Variants in EXTL1 observed in about 807,000 individuals in gnomAD.
EXTL1 encodes exostosin-like 1.
A neutral mutation model predicts 64.6 loss-of-function variants in EXTL1; 43 were observed. That is an observed-to-expected ratio of 0.67 (90% confidence interval 0.52 to 0.86). The LOEUF is 0.86. Ranked by LOEUF, EXTL1 falls within the 40% of genes least tolerant of loss-of-function variation. EXTL1 has a pLI of 0.00. For missense variants in EXTL1, 766 were observed against 879.0 expected (o/e 0.87, Z 1.62); for synonymous variants, 352 against 360.5 (o/e 0.98, Z 0.27).
intron 1 of EXTL1, among the ~76,000 whole-genome samples, chr1:26,027,365 G>GGTGCT (rs951354859): frequency 2.6e-5 from 4 of 152,132 alleles, no homozygotes; most frequent in Middle Eastern, 3.2e-3. Flanking sequence ...ATCTCATAGA[G>GGTGCT]GTGCTGTGAG....
Position 26,035,387 on chromosome 1 carries a change from A to G in EXTL1, c.*40A>G. 6.5e-7 allele frequency: 1 copy of G among 1,544,144 alleles called. No homozygotes were observed. The highest frequency in any genetic ancestry group is 1.2e-5 in the South Asian group (1 of 85,718). Reference sequence around the variant, plus strand: ...GAGACCCCAGCAGAGGTCGCAGCCCAGCTCCCAGGGGGCCCGGCGCCTGCC... The same window carrying G: ...GAGACCCCAGCAGAGGTCGCAGCCCGGCTCCCAGGGGGCCCGGCGCCTGCC... On this transcript the variant is annotated 3_prime_UTR_variant, in exon 11 of 11. Coordinates refer to ENST00000374280, the MANE Select transcript of EXTL1 (RefSeq NM_004455.3). This position sits in a 1 kb window ranked among gnomAD's most constrained non-coding sequence, Gnocchi z 5.3.
intron 4 of EXTL1, 94 bp downstream of exon 4, chr1:26,030,689 C>A (rs1047593139): frequency 1.3e-4 from 173 of 1,333,478 alleles, no homozygotes; most frequent in Non-Finnish European, 1.7e-4. Flanking sequence ...TTTGGGGAAC[C>A]CCCCCCCCTT....
In EXTL1 at chr1:26,036,310, G is replaced by A. The variant is rs575780731; in HGVS notation, c.*963G>A. On this transcript the variant is annotated 3_prime_UTR_variant, in exon 11 of 11. Transcript: ENST00000374280. This position sits in a 1 kb window ranked among gnomAD's most constrained non-coding sequence, Gnocchi z 5.2. ...CAGCAAGAAGGGACTGTTTCTAGGT[G>A]GGCTGGGCGCGAGCAGGGACTGTCC... is the stretch of plus-strand genomic sequence containing the variant. The A allele has an allele frequency of 1.3e-5, 2 of 152,600 alleles. No homozygotes were observed. Among genetic ancestry groups the A allele is most frequent in the African/African-American group, 4.8e-5 (2 of 41,558 alleles). The allele number at this position is 152,600 out of a possible 1,614,324, so 9.5% of individuals were successfully genotyped here. A position where few individuals can be genotyped will look rare whatever the true frequency, so the allele number is the denominator to read the frequency against.
chr1:26,026,977 C>A (rs2050223341), intron 1 of EXTL1, among the ~76,000 whole-genome samples: 1 of 152,230 alleles, frequency 6.6e-6, no homozygotes. Flanking sequence ...CAAAGACCAC[C>A]CACTGGCTGC....
chr1:26,029,210 C>A lies in EXTL1; in HGVS notation c.797C>A (p.Thr266Lys), dbSNP rs765247844. The A allele has an allele frequency of 2.2e-5, 35 of 1,613,540 alleles. No homozygotes were observed. Among genetic ancestry groups the A allele is most frequent in the Non-Finnish European group, 2.7e-5 (32 of 1,179,756 alleles). Reference sequence around the variant, plus strand: ...CTCTTTAGGACCCAGCGCCAGGAGACGCTGCCCAATGCCACCTTCTGCCTC... The same window carrying A: ...CTCTTTAGGACCCAGCGCCAGGAGAAGCTGCCCAATGCCACCTTCTGCCTC... ...PGPGQTQRQE[T>K]LPNATFCLIS... The change falls in exon 2 of 11, where the codon ACG becomes AAG. Residue 266 changes from threonine to lysine, a missense_variant. Transcript: ENST00000374280.
chr1:26,035,209 C>G lies in EXTL1; in HGVS notation c.1893C>G (p.Ala631=), dbSNP rs1236144391. 6.2e-7 allele frequency: 1 copy of G among 1,612,898 alleles called. No homozygotes were observed. The highest frequency in any genetic ancestry group is 8.5e-7 in the Non-Finnish European group (1 of 1,179,440). ...PGPRPKPPAP[A]PDCINQIAAA... ...CCAGGCCAAAGCCGCCTGCCCCAGC[C>G]CCCGACTGCATCAACCAGATAGCGG... Residue 631 remains alanine (A), a synonymous_variant, in exon 11 of 11, where the codon GCC becomes GCG. Transcript: ENST00000374280. The surrounding 1 kb of genome is among the most constrained non-coding windows in gnomAD (Gnocchi z 5.3).
At chr1:26,028,885 A>AT (rs903052870) in intron 1 of EXTL1, among the ~76,000 whole-genome samples, 1 of 152,156 alleles carries the variant, frequency 6.6e-6, no homozygotes, top group Non-Finnish European at 1.5e-5. Context: ...GCTGCCTCCC[A>AT]TTTTACAGAT....
intron 2 of EXTL1, 35 bp downstream of exon 2, chr1:26,029,321 T>C: frequency 2.6e-6 from 4 of 1,549,002 alleles, no homozygotes; most frequent in Non-Finnish European, 3.6e-6. Context: ...CCATCCTCTG[T>C]CCCCCAGCAC....
rs115632070 is a variant in EXTL1 at position 26,032,627 on chromosome 1, A to G, written c.1431+142A>G. On this transcript the variant is annotated intron_variant, in intron 7 of 10. Transcript: ENST00000374280. ...CACAGTAGGTTTCAGCCACAGGGCT[A>G]ATAGTAATGATTCTTTTCCCTCCCT... 2,110 of 614,296 alleles carry G rather than the reference A, an allele frequency of 3.4e-3. 30 individuals carry two copies. The highest frequency in any genetic ancestry group is 0.032 in the African/African-American group (1,752 of 54,260). 38.1% of individuals were successfully genotyped at this position (614,296 alleles called of 1,614,324 possible). A position where few individuals can be genotyped will look rare whatever the true frequency, so the allele number is the denominator to read the frequency against.
rs2050279337 is a variant in EXTL1, at chr1:26,031,029, G to A, written c.1102-103G>A. 7.6e-6 allele frequency: 11 copies of A among 1,440,646 alleles called. No individual in the cohort carries two copies. In the South Asian group the frequency reaches 1.2e-4, roughly 15 times the overall value. 89.2% of individuals were successfully genotyped at this position (1,440,646 alleles called of 1,614,324 possible). On this transcript the variant is annotated intron_variant, in intron 4 of 10. Transcript: ENST00000374280. ...ACTCTAGACTCAGCTTCTGACCCCA[G>A]GGGTCTGGTGATGCAGCTGCCACCC...
intron 1 of EXTL1, among the ~76,000 whole-genome samples, chr1:26,028,739 C>G (rs2050245004): frequency 6.6e-6 from 1 of 152,212 alleles, no homozygotes; most frequent in Non-Finnish European, 1.5e-5. Flanking sequence ...CTTTCACGGG[C>G]CTGGCTTTTA....
chr1:26,033,971 TC>T lies in EXTL1; in HGVS notation c.1679+116del. Reference sequence around the variant, plus strand: ...CAGGGATCCAGGTTCAAGGCCGAGATCTGCCACTTCCCAGCTGTGGGATCCT... The same window carrying T: ...CAGGGATCCAGGTTCAAGGCCGAGATTGCCACTTCCCAGCTGTGGGATCCT... On this transcript the variant is annotated intron_variant, in intron 9 of 10. Transcript: ENST00000374280. This position sits in a 1 kb window ranked among gnomAD's most constrained non-coding sequence, Gnocchi z 5.1. The T allele has an allele frequency of 2.3e-6, 2 of 859,712 alleles. No homozygotes were observed. The highest frequency in any genetic ancestry group is 2.4e-5 in the South Asian group (1 of 41,834). 53.3% of individuals were successfully genotyped at this position (859,712 alleles called of 1,614,324 possible).
rs201895756 is a variant in EXTL1, at chr1:26,031,621, G to C, written c.1341+55G>C. ...GATCCAGGGTGGGGGTAAGGGACAG[G>C]GCAGGGCCCTGATGACTTCCAGACC... On this transcript the variant is annotated intron_variant, in intron 6 of 10. Coordinates refer to ENST00000374280, the MANE Select transcript of EXTL1 (RefSeq NM_004455.3). 48 of 1,128,678 alleles carry C rather than the reference G, an allele frequency of 4.3e-5. No homozygotes were observed. The East Asian group carries it at 1.2e-3, about 29-fold the overall frequency. 69.9% of individuals were successfully genotyped at this position (1,128,678 alleles called of 1,614,324 possible).
In EXTL1 at chr1:26,035,343, C is replaced by G. The variant is rs770088842; in HGVS notation, c.2027C>G (p.Pro676Arg). The G allele has an allele frequency of 6.9e-6, 11 of 1,600,854 alleles. No homozygotes were observed. The highest frequency in any genetic ancestry group is 7.7e-6 in the Non-Finnish European group (9 of 1,171,118). The change falls in exon 11 of 11, where the codon CCC (proline) becomes CGC (arginine). Residue 676 changes from proline (P) to arginine (R), a missense_variant. This residue lies in a region of EXTL1 where 194 missense variants were observed against 214.5 expected (regional missense o/e 0.90). Coordinates refer to ENST00000374280, the MANE Select transcript of EXTL1 (RefSeq NM_004455.3). This position sits in a 1 kb window ranked among gnomAD's most constrained non-coding sequence, Gnocchi z 5.3. ...QRKKYRSLEKP is the reference protein window; with the variant it reads ...QRKKYRSLEKR ...AAGAAGTACCGCAGCCTGGAGAAGC[C>G]CTAGGGGGGCGACCCGCGGAGACCC... is the stretch of plus-strand genomic sequence containing the variant.
In EXTL1 at chr1:26,031,508, C is replaced by G. The variant is rs759305553; in HGVS notation, c.1283C>G (p.Pro428Arg). The change falls in exon 6 of 11, where the codon CCA (proline) becomes CGA (arginine). Residue 428 changes from proline to arginine, a missense_variant. This residue lies in a region of EXTL1 where 571 missense variants were observed against 647.6 expected (regional missense o/e 0.88). Coordinates refer to ENST00000374280, the MANE Select transcript of EXTL1 (RefSeq NM_004455.3). ...RFSALIWVGPPGQPPLKLIQA... is the reference protein window; with the variant it reads ...RFSALIWVGPRGQPPLKLIQA... ...AGCGCCCTGATCTGGGTGGGGCCCC[C>G]AGGCCAGCCCCCTCTGAAGCTCATC... 6 of 1,601,266 alleles carry G rather than the reference C, an allele frequency of 3.7e-6. No homozygotes were observed. The South Asian group carries it at 4.5e-5, about 12-fold the overall frequency.
At chr1:26,024,809 G>C (rs1482194221) in intron 1 of EXTL1, among the ~76,000 whole-genome samples, 1 of 152,166 alleles carries the variant, frequency 6.6e-6, no homozygotes, top group African/African-American at 2.4e-5. Context: ...CTTGCAGGAA[G>C]TTCTTTTTTC....
At position 26,035,320 on chromosome 1, in the gene EXTL1, G is replaced by T. The variant is rs944544073; in HGVS notation, c.2004G>T (p.Lys668Asn). 18 of 1,611,688 alleles carry T rather than the reference G, an allele frequency of 1.1e-5. No homozygotes were observed. Among genetic ancestry groups the T allele is most frequent in the Non-Finnish European group, 1.5e-5 (18 of 1,178,836 alleles). ...AGGACCCGGTGTCCGTGCAGCGCAA[G>T]AAGTACCGCAGCCTGGAGAAGCCCT... ...LFKDPVSVQR[K>N]KYRSLEKP Residue 668 changes from lysine (K) to asparagine (N), a missense_variant, in exon 11 of 11, where the codon AAG becomes AAT. By Grantham distance (94) the Lys-to-Asn change is moderately conservative. This residue lies in a region of EXTL1 where 194 missense variants were observed against 214.5 expected (regional missense o/e 0.90). Transcript: ENST00000374280. The surrounding 1 kb of genome is among the most constrained non-coding windows in gnomAD (Gnocchi z 5.3).
chr1:26,030,496 G>A lies in EXTL1; in HGVS notation c.1002G>A (p.Glu334=), dbSNP rs2050270377. The A allele has an allele frequency of 6.2e-7, 1 of 1,612,462 alleles. No individual in the cohort carries two copies. Residue 334 remains glutamate (E), a synonymous_variant, in exon 4 of 11, where the codon GAG becomes GAA. Coordinates refer to ENST00000374280, the MANE Select transcript of EXTL1 (RefSeq NM_004455.3). The part of the protein sequence containing the change: ...LPLQVLAALQ[E]MSPARVLALR... ...TCCAGGTCCTGGCTGCCCTCCAGGAGATGTCCCCTGCACGGGTCCTCGCCC... is the reference window on the plus strand; with the variant it reads ...TCCAGGTCCTGGCTGCCCTCCAGGAAATGTCCCCTGCACGGGTCCTCGCCC...
chr1:26,033,943 CCCCAGG>C lies in EXTL1; in HGVS notation c.1679+88_1679+93del. On this transcript the variant is annotated intron_variant, in intron 9 of 10. Transcript: ENST00000374280. This position sits in a 1 kb window ranked among gnomAD's most constrained non-coding sequence, Gnocchi z 5.1. Reference sequence around the variant, plus strand: ...CCCGAACGGAGCAGAGTGGCCTAGACCCCAGGGATCCAGGTTCAAGGCCGAGATCTG... The same window carrying C: ...CCCGAACGGAGCAGAGTGGCCTAGACGATCCAGGTTCAAGGCCGAGATCTG... 1 of 1,269,144 alleles carries C rather than the reference CCCCAGG, an allele frequency of 7.9e-7. No individual in the cohort carries two copies. Among genetic ancestry groups the C allele is most frequent in the Non-Finnish European group, 1.1e-6 (1 of 946,006 alleles). 78.6% of individuals were successfully genotyped at this position (1,269,144 alleles called of 1,614,324 possible).
Sources: gnomAD v4.1 joint callset for allele counts (sites outside exome capture counted in the v4.1 genomes callset) on GRCh38, gnomAD v4.1.1 for gene constraint, gnomAD v4.1.1 regional missense constraint, Gnocchi (gnomAD v3.1) non-coding constraint, MANE v1.5 for transcripts, NCBI Gene and HGNC (gene_info 2026-07-23, HGNC 2026-07-21) for gene names.